FHIP2B: variants seen among roughly 807,000 people sequenced by gnomAD.
FHIP2B encodes the protein FHF complex subunit HOOK-interacting protein 2B.
In FHIP2B, 72 loss-of-function variants were observed where a neutral mutation model predicts 84.0. That is an observed-to-expected ratio of 0.86 (90% CI 0.71 to 1.04). The LOEUF (loss-of-function observed/expected upper bound fraction) is 1.04, where lower values mean the gene tolerates loss of function less well. FHIP2B is among the 50% of genes least tolerant of loss of function. FHIP2B has a pLI of 0.00. For missense variants in FHIP2B, 972 were observed against 968.9 expected (o/e 1.00, Z -0.04); for synonymous variants, 497 against 418.7 (o/e 1.19, Z -2.28).
At chr8:22,101,137 C>G (rs1446522551) in intron 12 of FHIP2B, 165 bp downstream of exon 12, 3 of 866,668 alleles carry the variant, frequency 3.5e-6, no homozygotes, top group Non-Finnish European at 5.2e-6. Context: ...ATTCCTGTGC[C>G]TCAGCCTCCC....
rs1241823425 is a variant in FHIP2B, at chr8:22,097,564, C to T, written c.346C>T (p.Leu116=). Residue 116 remains leucine, a synonymous_variant, in exon 4 of 17, where the codon CTG becomes TTG. Coordinates refer to ENST00000289921, the MANE Select transcript of FHIP2B (RefSeq NM_022749.7). ...GGTGTTCCAGTTCTTCAGCAAGGTT[C>T]TGGCGCAGGTGCAGCACCCCCTGCT... is the stretch of plus-strand genomic sequence containing the variant. ...QQVFQFFSKV[L]AQVQHPLLHY... 1.2e-6 allele frequency: 2 copies of T among 1,610,482 alleles called. No individual in the cohort carries two copies. The highest frequency in any genetic ancestry group is 1.7e-6 in the Non-Finnish European group (2 of 1,178,774).
Position 22,098,260 on chromosome 8 carries a change from A to C in FHIP2B, c.718A>C (p.Thr240Pro), listed in dbSNP as rs1825900179. The C allele has an allele frequency of 6.3e-7, 1 of 1,585,992 alleles. No individual in the cohort carries two copies. The highest frequency in any genetic ancestry group is 1.4e-5 in the African/African-American group (1 of 72,674). ...TGAGACCGAGGAGCTGGACGGTGGG[A>C]CCACAGAGAGCAACCTGATTACCTC... ...PAETEELDGGTTESNLITSLL... is the reference protein window; with the variant it reads ...PAETEELDGGPTESNLITSLL... The change falls in exon 6 of 17, where the codon ACC (threonine) becomes CCC (proline). Residue 240 changes from threonine (T) to proline (P), a missense_variant. By Grantham distance (38) the Thr-to-Pro change is conservative (BLOSUM62 -1). Transcript: ENST00000289921.
At chr8:22,100,218 G>A (rs1826028223) in intron 10 of FHIP2B, 2 of 395,842 alleles carry the variant, frequency 5.1e-6, no homozygotes, top group Non-Finnish European at 8.9e-6. Flanking sequence ...GCAGGCATGA[G>A]CCACTGTTCC....
At chr8:22,102,047 G>GAC in intron 14 of FHIP2B, 128 bp from the exon 15 acceptor site, 1 of 1,556,516 alleles carries the variant, frequency 6.4e-7, no homozygotes, top group Non-Finnish European at 8.6e-7. Flanking sequence ...TGGAATCCAT[G>GAC]ACACACACAC....
rs370606615 is a variant in FHIP2B, at chr8:22,101,828, C to G, written c.1828C>G (p.Arg610Gly). 2.0e-5 allele frequency: 32 copies of G among 1,613,430 alleles called. No individual in the cohort carries two copies. In the African/African-American group the frequency reaches 3.9e-4, roughly 20 times the overall value. ...EGHFLRVLFD[R>G]MSRILDQPYS... ...CCACTTCCTCCGAGTGCTGTTTGAC[C>G]GCATGTCCCGGATTCTGGATCAGGT... is the stretch of plus-strand genomic sequence containing the variant. The change falls in exon 14 of 17, where the codon CGC becomes GGC. Residue 610 changes from arginine (R) to glycine (G), a missense_variant. By Grantham distance (125) the Arg-to-Gly change is moderately radical (BLOSUM62 -2). Transcript: ENST00000289921.
intron 12 of FHIP2B, 144 bp downstream of exon 12, chr8:22,101,116 G>A (rs781093548): frequency 1.5e-5 from 16 of 1,069,862 alleles, no homozygotes; most frequent in Admixed American, 1.0e-4. Context: ...CCCGGGTTCC[G>A]GATCCAAGCG....
At position 22,104,836 on chromosome 8, in the gene FHIP2B, A is replaced by AAC. The variant is rs1465039851; in HGVS notation, c.*1906_*1907insCA. 6.6e-6 allele frequency: 1 copy of AAC among 151,564 alleles called. No individual in the cohort carries two copies. The highest frequency in any genetic ancestry group is 6.6e-5 in the Admixed American group (1 of 15,196). 9.4% of individuals were successfully genotyped at this position (151,564 alleles called of 1,614,324 possible). A position where few individuals can be genotyped will look rare whatever the true frequency, so the allele number is the denominator to read the frequency against. The stretch of plus-strand genomic sequence containing the variant: ...CAATAGAGTAAGACCCTGTCTAAAA[A>AAC]AAAAAAAAAAAAATTTCACAGGTGT... On this transcript the variant is annotated 3_prime_UTR_variant, in exon 17 of 17. Coordinates refer to ENST00000289921, the MANE Select transcript of FHIP2B (RefSeq NM_022749.7).
At position 22,102,017 on chromosome 8, in the gene FHIP2B, C is replaced by T. The variant is rs533482022; in HGVS notation, c.1852-158C>T. On this transcript the variant is annotated intron_variant, in intron 14 of 16. Transcript: ENST00000289921. The stretch of plus-strand genomic sequence containing the variant: ...CACCCCTGCTCCACACGTCCTAACA[C>T]GTTCTGGCCCTCAGCCCCATGGAAT... 1,568 of 1,517,522 alleles carry T rather than the reference C, an allele frequency of 1.0e-3. 2 individuals carry two copies. Among genetic ancestry groups the T allele is most frequent in the Non-Finnish European group, 1.3e-3 (1,441 of 1,136,088 alleles). The allele number at this position is 1,517,522 out of a possible 1,614,324, so 94.0% of individuals were successfully genotyped here.
chr8:22,099,043 C>A lies in FHIP2B; in HGVS notation c.1061C>A (p.Thr354Lys). Residue 354 changes from threonine (T) to lysine (K), a missense_variant, in exon 8 of 17, where the codon ACA becomes AAA. Physicochemically the swap from Thr to Lys is moderately conservative, Grantham distance 78. Coordinates refer to ENST00000289921, the MANE Select transcript of FHIP2B (RefSeq NM_022749.7). ...TTTGATTACTGCGACCACCTCATCA[C>A]AGAGGCACACACGGTGAGCAGGGGC... ...GWFDYCDHLITEAHTVVADAL... is the reference protein window; with the variant it reads ...GWFDYCDHLIKEAHTVVADAL... 1 of 1,601,822 alleles carries A rather than the reference C, an allele frequency of 6.2e-7. No individual in the cohort carries two copies. Among genetic ancestry groups the A allele is most frequent in the Non-Finnish European group, 8.5e-7 (1 of 1,173,782 alleles).
Position 22,098,994 on chromosome 8 carries a change from G to C in FHIP2B, c.1012G>C (p.Ala338Pro). The C allele has an allele frequency of 6.2e-7, 1 of 1,608,420 alleles. No homozygotes were observed. The highest frequency in any genetic ancestry group is 8.5e-7 in the Non-Finnish European group (1 of 1,177,406). ...SDEASFPGKE[A>P]LAAFLGWFDY... is the part of the protein sequence containing the mutation. ...TGAGGCTTCCTTCCCTGGCAAGGAGGCCTTGGCTGCCTTCTTGGGCTGGTT... is the reference window on the plus strand; with the variant it reads ...TGAGGCTTCCTTCCCTGGCAAGGAGCCCTTGGCTGCCTTCTTGGGCTGGTT... The change falls in exon 8 of 17, where the codon GCC becomes CCC. Residue 338 changes from alanine to proline, a missense_variant. By Grantham distance (27) the Ala-to-Pro change is conservative (BLOSUM62 -1). Coordinates refer to ENST00000289921, the MANE Select transcript of FHIP2B (RefSeq NM_022749.7).
In FHIP2B at chr8:22,094,825, G is replaced by C. The variant is rs564182323; in HGVS notation, c.124+307G>C. 5.2e-5 allele frequency: 63 copies of C among 1,208,750 alleles called. 2 individuals are homozygous for C. In the African/African-American group the frequency reaches 9.4e-4, roughly 18 times the overall value. 74.9% of individuals were successfully genotyped at this position (1,208,750 alleles called of 1,614,324 possible). The stretch of plus-strand genomic sequence containing the variant: ...GGAAGAGGTGGCTGCACTTCCCCCA[G>C]CTTCCAGCTCCAGACCTTCAGGCCC... On this transcript the variant is annotated intron_variant, in intron 2 of 16. Transcript: ENST00000289921.
chr8:22,091,365 T>C (rs1825484495), intron 1 of FHIP2B, among the ~76,000 whole-genome samples: 1 of 149,910 alleles, frequency 6.7e-6, no homozygotes, highest in African/African-American at 2.5e-5. Flanking sequence ...TGCCTCAGCC[T>C]CCTGAGTAGC....
chr8:22,100,128 G>A lies in FHIP2B; in HGVS notation c.1341+235G>A, dbSNP rs985805396. On this transcript the variant is annotated intron_variant, in intron 10 of 16. Transcript: ENST00000289921. The stretch of plus-strand genomic sequence containing the variant: ...ATCACCCAGGCCCTGGAGTGCAGAG[G>A]TGTGATCATAACTCACTGCAGTCTC... The A allele has an allele frequency of 1.4e-5, 7 of 504,544 alleles. No homozygotes were observed. In the African/African-American group the frequency reaches 1.4e-4, roughly 10 times the overall value. The allele number at this position is 504,544 out of a possible 1,614,324, so 31.3% of individuals were successfully genotyped here. A position where few individuals can be genotyped will look rare whatever the true frequency, so the allele number is the denominator to read the frequency against.
chr8:22,103,060 G>C lies in FHIP2B; in HGVS notation c.*129G>C, dbSNP rs1359248014. The C allele has an allele frequency of 8.1e-7, 1 of 1,235,478 alleles. No individual in the cohort carries two copies. Among genetic ancestry groups the C allele is most frequent in the Non-Finnish European group, 1.1e-6 (1 of 908,318 alleles). 76.5% of individuals were successfully genotyped at this position (1,235,478 alleles called of 1,614,324 possible). On this transcript the variant is annotated 3_prime_UTR_variant, in exon 17 of 17. Transcript: ENST00000289921. ...TCCCGGGCTCACTCAAGGAGACTGCGGCATGTTGACCACACCAGACTGGGT... is the reference window on the plus strand; with the variant it reads ...TCCCGGGCTCACTCAAGGAGACTGCCGCATGTTGACCACACCAGACTGGGT...
chr8:22,102,013 A>T, intron 14 of FHIP2B, 162 bp downstream of exon 14: 1 of 1,515,380 alleles, frequency 6.6e-7, no homozygotes, highest in Non-Finnish European at 8.8e-7. Flanking sequence ...CACACGTCCT[A>T]ACACGTTCTG....
At chr8:22,102,011 C>G in intron 14 of FHIP2B, 160 bp downstream of exon 14, 1 of 1,513,830 alleles carries the variant, frequency 6.6e-7, no homozygotes, top group Non-Finnish European at 8.8e-7. Context: ...TCCACACGTC[C>G]TAACACGTTC....
chr8:22,093,007 T>G (rs1825574865), intron 1 of FHIP2B, among the ~76,000 whole-genome samples: 2 of 152,222 alleles, frequency 1.3e-5, no homozygotes, highest in African/African-American at 4.8e-5. Context: ...CATAGTGTCT[T>G]GTACATAGTG....
At chr8:22,102,411 G>GGGGGGGGGGGGGGGGGC in intron 15 of FHIP2B, 96 bp downstream of exon 15, 2 of 586,946 alleles carry the variant, frequency 3.4e-6, no homozygotes, top group South Asian at 1.6e-5. Flanking sequence ...GGAGGGGTGG[G>GGGGGGGGGGGGGGGGGC]CACCCTTGCC....
chr8:22,100,747 A>G lies in FHIP2B; in HGVS notation c.1487+8A>G, dbSNP rs752224483. Reference sequence around the variant, plus strand: ...GAGCTATGAGGACACCCTGTAAGTGAAACCGGCGCCCTTTGGACTCAGCCC... The same window carrying G: ...GAGCTATGAGGACACCCTGTAAGTGGAACCGGCGCCCTTTGGACTCAGCCC... On this transcript the variant is annotated splice_region_variant and intron_variant, in intron 11 of 16. Transcript: ENST00000289921. 1.9e-6 allele frequency: 3 copies of G among 1,604,496 alleles called. No homozygotes were observed. The highest frequency in any genetic ancestry group is 1.7e-6 in the Non-Finnish European group (2 of 1,173,902).
Sources: gnomAD v4.1 joint callset for allele counts (sites outside exome capture counted in the v4.1 genomes callset) on GRCh38, gnomAD v4.1.1 for gene constraint, MANE v1.5 for transcripts, NCBI Gene and HGNC (gene_info 2026-07-23, HGNC 2026-07-21) for gene names.